MREG: variants seen among roughly 807,000 people sequenced by gnomAD.
The protein encoded by MREG is dilute suppressor protein homolog.
Under a neutral mutation model 28.5 loss-of-function variants are expected in MREG, and 31 were observed. The ratio of observed to expected loss-of-function variants is 1.09; its 90% CI spans 0.82 to 1.47. MREG has a LOEUF of 1.47. MREG is among the 40% of genes most tolerant of loss of function. The pLI, the probability that MREG is intolerant of heterozygous loss-of-function variation, is 0.00. For synonymous variants in MREG, 106 were observed against 95.2 expected, an observed-to-expected ratio of 1.11 and a Z score of -0.66; for missense variants, 256 against 257.4, an observed-to-expected ratio of 0.99 and a Z score of 0.04.
rs531870350 is a variant in MREG, at chr2:215,994,923, G to A, written c.255+1383C>T. On this transcript the variant is annotated intron_variant, in intron 2 of 4. Coordinates refer to ENST00000263268, the MANE Select transcript of MREG (RefSeq NM_018000.3). Reference sequence around the variant, plus strand: ...GAGAGAGACACTATACATTATTTCCGTATTGCTGTTACTGTTTTGGGCAGA... The same window carrying A: ...GAGAGAGACACTATACATTATTTCCATATTGCTGTTACTGTTTTGGGCAGA... 1.2e-4 allele frequency among the ~76,000 whole-genome samples: 19 copies of A among 152,128 alleles called. No homozygotes were observed. The South Asian group carries it at 2.5e-3, about 20-fold the overall frequency.
At chr2:215,962,908 G>A (rs1692829013) in intron 2 of MREG, among the ~76,000 whole-genome samples, 1 of 152,236 alleles carries the variant, frequency 6.6e-6, no homozygotes, top group Non-Finnish European at 1.5e-5. Context: ...GGCCAAAGCA[G>A]ATGGATTGCT....
chr2:215,948,696 C>A (rs1361392931), intron 2 of MREG, among the ~76,000 whole-genome samples: 2 of 152,164 alleles, frequency 1.3e-5, no homozygotes, highest in African/African-American at 4.8e-5. Context: ...GCCTGAGTGT[C>A]TGGGTTTGAA....
At chr2:215,974,841 C>A (rs1057329783) in intron 2 of MREG, among the ~76,000 whole-genome samples, 2 of 145,706 alleles carry the variant, frequency 1.4e-5, no homozygotes, top group African/African-American at 5.2e-5. Flanking sequence ...CACACACACA[C>A]ACACACACAC....
At chr2:215,990,062 C>T (rs1693682416) in intron 2 of MREG, among the ~76,000 whole-genome samples, 1 of 152,082 alleles carries the variant, frequency 6.6e-6, no homozygotes, top group African/African-American at 2.4e-5. Context: ...AAAGCTACTC[C>T]TCGAGAAGAG....
chr2:215,995,381 T>G (rs1024048004), intron 2 of MREG, among the ~76,000 whole-genome samples: 1 of 152,154 alleles, frequency 6.6e-6, no homozygotes, highest in African/African-American at 2.4e-5. Context: ...CCGGGACACA[T>G]GACACTTCTA....
chr2:215,969,558 T>C (rs139102093), intron 2 of MREG, among the ~76,000 whole-genome samples: 76 of 152,314 alleles, frequency 5.0e-4, no homozygotes, highest in African/African-American at 1.8e-3. Context: ...ACAAATGATG[T>C]GTATACAGTA....
intron 2 of MREG, among the ~76,000 whole-genome samples, chr2:215,967,790 C>T (rs1692983765): frequency 6.6e-6 from 1 of 152,144 alleles, no homozygotes; most frequent in Admixed American, 6.6e-5. Context: ...TCCAATAAAA[C>T]TTTATTTATA....
chr2:215,958,179 C>T (rs2105976792), intron 2 of MREG, among the ~76,000 whole-genome samples: 1 of 151,766 alleles, frequency 6.6e-6, no homozygotes, highest in Middle Eastern at 3.4e-3. Context: ...ATGGGTGCAG[C>T]ACACCAACAT....
chr2:216,031,603 AGAAG>A (rs1202800829), intron 1 of MREG, among the ~76,000 whole-genome samples: 2 of 150,496 alleles, frequency 1.3e-5, no homozygotes, highest in Non-Finnish European at 3.0e-5. Flanking sequence ...AAAGAAGGAA[AGAAG>A]GAAGAAAAGA....
chr2:215,962,192 C>T (rs570870650), intron 2 of MREG, among the ~76,000 whole-genome samples: 1 of 152,088 alleles, frequency 6.6e-6, no homozygotes, highest in Non-Finnish European at 1.5e-5. Flanking sequence ...AGGCCCCTGA[C>T]CTAATTCTTT....
At chr2:215,959,009 G>A (rs1256795286) in intron 2 of MREG, among the ~76,000 whole-genome samples, 3 of 152,034 alleles carry the variant, frequency 2.0e-5, no homozygotes, top group Non-Finnish European at 4.4e-5. Context: ...GAGGAGCTCT[G>A]GGATTCAGGA....
downstream of MREG, among the ~76,000 whole-genome samples, chr2:215,940,242 T>G (rs1473785413): frequency 6.6e-6 from 1 of 152,236 alleles, no homozygotes; most frequent in African/African-American, 2.4e-5. Flanking sequence ...TTAATAACAC[T>G]TGCTGAAACA....
chr2:216,018,754 T>C (rs1446346106), intron 1 of MREG, among the ~76,000 whole-genome samples: 1 of 152,234 alleles, frequency 6.6e-6, no homozygotes, highest in Non-Finnish European at 1.5e-5. Context: ...TAGAGTCTGT[T>C]GTTTCTACCT....
chr2:216,007,403 TTTTATTTATTTATTTA>T lies in MREG; in HGVS notation c.95+5814_95+5829del, dbSNP rs113045457. On this transcript the variant is annotated intron_variant, in intron 1 of 4. Coordinates refer to ENST00000263268, the MANE Select transcript of MREG (RefSeq NM_018000.3). ...TCCTTTTTGTGATCACTTAGCAACATTTTATTTATTTATTTATTTATTTATTTATTTATTTATTTAT... is the reference window on the plus strand; with the variant it reads ...TCCTTTTTGTGATCACTTAGCAACATTTTATTTATTTATTTATTTATTTAT... Among the ~76,000 whole-genome samples, 649 of 142,850 alleles carry T rather than the reference TTTTATTTATTTATTTA, an allele frequency of 4.5e-3. 8 individuals are homozygous for T. The highest frequency in any genetic ancestry group is 0.015 in the African/African-American group (589 of 39,118). The allele number at this position is 142,850 out of a possible 152,430, so 93.7% of individuals were successfully genotyped here. A position where few individuals can be genotyped will look rare whatever the true frequency, so the allele number is the denominator to read the frequency against.
rs184169005 is a variant in MREG, at chr2:216,008,545, C to T, written c.95+4688G>A. On this transcript the variant is annotated intron_variant, in intron 1 of 4. Transcript: ENST00000263268. Reference sequence around the variant, plus strand: ...TTTGCTCCTTGTTCATCTGGATGCCCACCTGCAGCTTCCATTCATGATAAC... The same window carrying T: ...TTTGCTCCTTGTTCATCTGGATGCCTACCTGCAGCTTCCATTCATGATAAC... Among the ~76,000 whole-genome samples the T allele has an allele frequency of 1.1e-3, 165 of 152,310 alleles. 2 individuals are homozygous for T. Among genetic ancestry groups the T allele is most frequent in the Middle Eastern group, 3.4e-3 (1 of 294 alleles).
At chr2:215,988,335 G>A (rs1020855276) in intron 2 of MREG, among the ~76,000 whole-genome samples, 4 of 152,128 alleles carry the variant, frequency 2.6e-5, no homozygotes, top group African/African-American at 7.2e-5. Flanking sequence ...GTGAGGGATC[G>A]TGCTGTGAGT....
In MREG at chr2:215,947,978, T is replaced by C. The variant is rs148895816; in HGVS notation, c.256-865A>G. ...TTGTCACTATAGAGCAGTCATTTTA[T>C]AGAGTATACCTTTTACTGTTTCTTA... On this transcript the variant is annotated intron_variant, in intron 2 of 4. Coordinates refer to ENST00000263268, the MANE Select transcript of MREG (RefSeq NM_018000.3). Among the ~76,000 whole-genome samples, 204 of 152,326 alleles carry C rather than the reference T, an allele frequency of 1.3e-3. 1 individual carries two copies. The highest frequency in any genetic ancestry group is 4.8e-3 in the African/African-American group (198 of 41,570).
intron 1 of MREG, among the ~76,000 whole-genome samples, chr2:216,012,901 C>T (rs952618444): frequency 2.0e-5 from 3 of 152,186 alleles, no homozygotes; most frequent in African/African-American, 7.2e-5. Flanking sequence ...TACCCAGTCA[C>T]AGTTGTATTT....
chr2:215,973,332 C>T lies in MREG; in HGVS notation c.255+22974G>A, dbSNP rs1322916874. Among the ~76,000 whole-genome samples the T allele has an allele frequency of 7.2e-5, 11 of 152,334 alleles. No homozygotes were observed. The East Asian group carries it at 2.1e-3, about 29-fold the overall frequency. ...CAGTCACTCCCCATTGAAAGCAACG[C>T]TGAAACCTCATTAACATTAAACAGA... is the stretch of plus-strand genomic sequence containing the variant. On this transcript the variant is annotated intron_variant, in intron 2 of 4. Transcript: ENST00000263268.
Sources: allele counts gnomAD v4.1 joint callset (sites outside exome capture counted in the v4.1 genomes callset), GRCh38; gene constraint gnomAD v4.1.1; transcripts MANE v1.5; gene names NCBI Gene and HGNC (gene_info 2026-07-23, HGNC 2026-07-21).